ARMC2: variants seen among roughly 807,000 people sequenced by gnomAD.
ARMC2 encodes armadillo repeat containing 2, also known as armadillo repeat-containing protein 2.
A neutral mutation model predicts 90.3 loss-of-function variants in ARMC2; 67 were observed. The observed-to-expected ratio is 0.74, with a 90% CI of 0.61 to 0.91. ARMC2 has a LOEUF of 0.91. Among genes scored for constraint, ARMC2 ranks in the 40% least tolerant of loss-of-function variants. The probability of loss-of-function intolerance (pLI) is 0.00; values close to 1 mark genes in which losing one functional copy is unlikely to be tolerated. For missense variants in ARMC2, 920 were observed against 1,030.9 expected (o/e 0.89, Z 1.47); for synonymous variants, 393 against 393.0 (o/e 1.00, Z 0.00).
the ARMC2 span, among the ~76,000 whole-genome samples, chr6:109,003,205 C>T: frequency 1.3e-5 from 2 of 151,768 alleles, no homozygotes; most frequent in South Asian, 4.2e-4. Flanking sequence ...TATCTAGTGT[C>T]ATTTAAAAAT....
chr6:108,858,328 C>T, intron 3 of ARMC2, 57 bp downstream of exon 3: 2 of 1,365,906 alleles, frequency 1.5e-6, no homozygotes, highest in Non-Finnish European at 1.0e-6. Flanking sequence ...TGAAATTGGC[C>T]AAAAACACTT....
chr6:108,934,524 G>A (rs1775810059), intron 11 of ARMC2, among the ~76,000 whole-genome samples: 1 of 152,092 alleles, frequency 6.6e-6, no homozygotes, highest in African/African-American at 2.4e-5. Context: ...AATGGGTTGG[G>A]AGGTAATCCA....
the ARMC2 span, among the ~76,000 whole-genome samples, chr6:108,995,953 A>G: frequency 6.6e-6 from 1 of 152,176 alleles, no homozygotes; most frequent in Non-Finnish European, 1.5e-5. Flanking sequence ...CCTTGTAAAC[A>G]CTGTCATTTA....
At chr6:108,958,571 TCTC>T (rs762713993) in intron 13 of ARMC2, among the ~76,000 whole-genome samples, 39 of 152,146 alleles carry the variant, frequency 2.6e-4, no homozygotes, top group Non-Finnish European at 4.9e-4. Context: ...GCTAACGAAT[TCTC>T]CTACCAAGGC....
intron 3 of ARMC2, among the ~76,000 whole-genome samples, chr6:108,863,846 G>T (rs1775533659): frequency 6.6e-6 from 1 of 152,150 alleles, no homozygotes; most frequent in Non-Finnish European, 1.5e-5. Flanking sequence ...TCATCAAATT[G>T]ATCATTTCTG....
chr6:108,981,736 C>G, the ARMC2 span, among the ~76,000 whole-genome samples: 1 of 151,846 alleles, frequency 6.6e-6, no homozygotes, highest in Admixed American at 6.6e-5. Flanking sequence ...GGCATGATCT[C>G]GGCTCACTGC....
At chr6:109,007,469 C>T in the ARMC2 span, among the ~76,000 whole-genome samples, 1 of 152,126 alleles carries the variant, frequency 6.6e-6, no homozygotes, top group African/African-American at 2.4e-5. Context: ...CCTCGCTACA[C>T]TATTACTGTT....
chr6:108,953,993 C>T (rs531308142), intron 13 of ARMC2, among the ~76,000 whole-genome samples: 3 of 152,272 alleles, frequency 2.0e-5, no homozygotes, highest in East Asian at 3.9e-4. Flanking sequence ...TCCTGGCCTG[C>T]AGACAGCCAC....
intron 8 of ARMC2, chr6:108,907,577 C>CCCA: frequency 1.3e-6 from 2 of 1,512,576 alleles, no homozygotes; most frequent in South Asian, 1.1e-5. Context: ...GGGCCAAGGT[C>CCCA]GTGGGGTGGG....
rs764817589 is a variant in ARMC2 at position 108,910,996 on chromosome 6, T to A, written c.1121T>A (p.Ile374Asn). The change falls in exon 9 of 18, where the codon ATT becomes AAT. Residue 374 changes from isoleucine (I) to asparagine (N), a missense_variant. By Grantham distance (149) the Ile-to-Asn change is moderately radical. Transcript: ENST00000392644. ...GATTCTTTGATTCAAAATGACAGCA[T>A]TCTGGGTGAGTGTCATTCAGTGCTA... is the stretch of plus-strand genomic sequence containing the variant. ...KNDSLIQNDSILESLLEVLRS... is the reference protein window; with the variant it reads ...KNDSLIQNDSNLESLLEVLRS... 1 of 1,569,948 alleles carries A rather than the reference T, an allele frequency of 6.4e-7. No homozygotes were observed. Among genetic ancestry groups the A allele is most frequent in the South Asian group, 1.2e-5 (1 of 83,026 alleles).
At chr6:108,911,038 G>A in intron 9 of ARMC2, 37 bp downstream of exon 9, 1 of 1,246,442 alleles carries the variant, frequency 8.0e-7, no homozygotes, top group Non-Finnish European at 1.1e-6. Flanking sequence ...AGCAAATGCT[G>A]TACTTGAGTA....
chr6:108,890,011 A>AC (rs1156257406), intron 5 of ARMC2, among the ~76,000 whole-genome samples: 1 of 148,290 alleles, frequency 6.7e-6, no homozygotes, highest in Non-Finnish European at 1.5e-5. Flanking sequence ...AAACGGTGAA[A>AC]CCCCGTCTCT....
At chr6:108,964,136 A>T in intron 15 of ARMC2, 44 bp from the exon 16 acceptor site, 2 of 1,589,276 alleles carry the variant, frequency 1.3e-6, no homozygotes, top group Non-Finnish European at 1.7e-6. Flanking sequence ...ACAGCTGGGA[A>T]TCCTGAACTT....
rs747979519 is a variant in ARMC2, at chr6:108,931,954, G to A, written c.1496+3721G>A. 5.3e-5 allele frequency among the ~76,000 whole-genome samples: 8 copies of A among 151,634 alleles called. No individual in the cohort carries two copies. The East Asian group carries it at 5.8e-4, about 11-fold the overall frequency. ...AATTCTTTGTATTTTTAGTAGAGAC[G>A]GGGTTTCTCCATGTTGGTCAGGCTG... On this transcript the variant is annotated intron_variant, in intron 11 of 17. Coordinates refer to ENST00000392644, the MANE Select transcript of ARMC2 (RefSeq NM_032131.6).
At chr6:109,039,149 G>GGGAGGAGGA in the ARMC2 span, among the ~76,000 whole-genome samples, 5 of 147,122 alleles carry the variant, frequency 3.4e-5, no homozygotes, top group African/African-American at 5.0e-5. Flanking sequence ...AAGAGGAGAA[G>GGGAGGAGGA]GAAGGAGGAG....
chr6:109,011,357 T>C, the ARMC2 span, among the ~76,000 whole-genome samples: 3 of 152,226 alleles, frequency 2.0e-5, no homozygotes, highest in Admixed American at 2.0e-4. Flanking sequence ...TTTCAAATTA[T>C]TATTTAATGC....
intron 10 of ARMC2, among the ~76,000 whole-genome samples, chr6:108,927,600 C>G (rs1219194476): frequency 6.6e-6 from 1 of 151,010 alleles, no homozygotes. Flanking sequence ...ATACTTGTCT[C>G]TTGGGAGAGA....
chr6:108,948,902 G>A (rs1254393103), intron 12 of ARMC2, among the ~76,000 whole-genome samples: 1 of 152,108 alleles, frequency 6.6e-6, no homozygotes, highest in Non-Finnish European at 1.5e-5. Flanking sequence ...ACCAGGATCT[G>A]ATCTAAATCC....
chr6:108,918,156 G>C (rs939365383), intron 10 of ARMC2, among the ~76,000 whole-genome samples: 1 of 152,148 alleles, frequency 6.6e-6, no homozygotes, highest in African/African-American at 2.4e-5. Flanking sequence ...GGAGAGAGTA[G>C]AGAAAGAGCA....
Sources: allele counts gnomAD v4.1 joint callset (sites outside exome capture counted in the v4.1 genomes callset), GRCh38; gene constraint gnomAD v4.1.1; transcripts MANE v1.5; gene names NCBI Gene and HGNC (gene_info 2026-07-23, HGNC 2026-07-21).